PHLDB2: variants seen among roughly 807,000 people sequenced by gnomAD.
The protein encoded by PHLDB2 is pleckstrin homology-like domain family B member 2.
PHLDB2 carries 71 observed loss-of-function variants against 123.6 expected under a neutral mutation model. That is an observed-to-expected ratio of 0.57 (90% CI 0.47 to 0.70). The LOEUF is 0.70. Among genes scored for constraint, PHLDB2 ranks in the 30% least tolerant of loss-of-function variants. The probability of loss-of-function intolerance (pLI) is 0.00; values close to 1 mark genes in which losing one functional copy is unlikely to be tolerated. For synonymous variants in PHLDB2, 547 were observed against 541.6 expected, an observed-to-expected ratio of 1.01 and a Z score of -0.14; for missense variants, 1,446 against 1,519.5, an observed-to-expected ratio of 0.95 and a Z score of 0.80.
At chr3:111,827,575 T>C (rs1483306073) in intron 1 of PHLDB2, among the ~76,000 whole-genome samples, 1 of 150,092 alleles carries the variant, frequency 6.7e-6, no homozygotes, top group African/African-American at 2.5e-5. Context: ...CTCGGGAGGC[T>C]GAGGCGGAGA....
intron 5 of PHLDB2, among the ~76,000 whole-genome samples, chr3:111,922,509 A>G (rs1312575992): frequency 2.0e-5 from 3 of 152,218 alleles, no homozygotes; most frequent in Admixed American, 2.0e-4. Flanking sequence ...GGACCAGCTC[A>G]TACAGCTATG....
intron 1 of PHLDB2, among the ~76,000 whole-genome samples, chr3:111,873,996 T>G (rs934465681): frequency 6.6e-5 from 10 of 152,232 alleles, no homozygotes; most frequent in African/African-American, 2.4e-4. Context: ...AAAACGGTGT[T>G]ATAGAAAATA....
intron 11 of PHLDB2, among the ~76,000 whole-genome samples, chr3:111,953,354 A>G (rs1012105263): frequency 2.6e-5 from 4 of 152,140 alleles, no homozygotes; most frequent in Admixed American, 2.6e-4. Flanking sequence ...TCTGAATGAG[A>G]CAGACTTTTG....
At chr3:111,775,969 G>A (rs932457291) in intron 1 of PHLDB2, among the ~76,000 whole-genome samples, 1 of 152,138 alleles carries the variant, frequency 6.6e-6, no homozygotes, top group African/African-American at 2.4e-5. Flanking sequence ...GAAAGCTTTG[G>A]AACGTATTTA....
At chr3:111,782,804 T>C (rs1169577893) in intron 1 of PHLDB2, among the ~76,000 whole-genome samples, 2 of 152,106 alleles carry the variant, frequency 1.3e-5, no homozygotes, top group Admixed American at 6.6e-5. Context: ...TTAGCACATA[T>C]GAGGTGATAA....
chr3:111,751,170 T>G (rs112707147), intron 1 of PHLDB2, among the ~76,000 whole-genome samples: 2,730 of 77,198 alleles, frequency 0.035, 86 homozygotes, highest in African/African-American at 0.12. Flanking sequence ...GACAATGGGG[T>G]GTGTGTGTGT....
chr3:111,767,065 AC>A (rs532177983), intron 1 of PHLDB2, among the ~76,000 whole-genome samples: 2 of 34,348 alleles, frequency 5.8e-5, no homozygotes, highest in East Asian at 0.036. Context: ...CAGTCCAAAA[AC>A]AGTATTAAAG....
intron 1 of PHLDB2, among the ~76,000 whole-genome samples, chr3:111,787,014 C>T (rs146612679): frequency 6.6e-5 from 10 of 152,140 alleles, no homozygotes; most frequent in African/African-American, 2.4e-4. Flanking sequence ...TTGCATGGGG[C>T]GCAATGCTAG....
intron 1 of PHLDB2, among the ~76,000 whole-genome samples, chr3:111,862,430 T>G (rs2108657127): frequency 6.6e-6 from 1 of 152,096 alleles, no homozygotes; most frequent in African/African-American, 2.4e-5. Context: ...GGGAGAGGGG[T>G]TTTGGCCCCC....
intron 1 of PHLDB2, among the ~76,000 whole-genome samples, chr3:111,881,790 G>A (rs1367225633): frequency 3.1e-5 from 4 of 130,776 alleles, no homozygotes; most frequent in Admixed American, 7.8e-5. Flanking sequence ...TTTTTTTTCA[G>A]TATTTCTAGG....
At chr3:111,881,191 G>T (rs1167408683) in intron 1 of PHLDB2, among the ~76,000 whole-genome samples, 2 of 152,114 alleles carry the variant, frequency 1.3e-5, no homozygotes, top group African/African-American at 4.8e-5. Flanking sequence ...TCTTATAGTG[G>T]TCCTTGTGCT....
intron 5 of PHLDB2, among the ~76,000 whole-genome samples, chr3:111,930,739 A>G (rs2069099036): frequency 6.6e-6 from 1 of 152,222 alleles, no homozygotes; most frequent in Non-Finnish European, 1.5e-5. Flanking sequence ...CAACTCTTGC[A>G]CAATTGGTGT....
chr3:111,969,661 T>G (rs1296198750), intron 15 of PHLDB2, 29 bp from the exon 16 acceptor site: 1 of 1,561,342 alleles, frequency 6.4e-7, no homozygotes, highest in Non-Finnish European at 8.8e-7. Context: ...TAATTAGCTA[T>G]AGATGCAATG....
At chr3:111,780,272 A>G (rs9833377) in intron 1 of PHLDB2, among the ~76,000 whole-genome samples, 6,163 of 9,426 alleles carry the variant, frequency 0.65, 2,261 homozygotes, top group East Asian at 0.96. Flanking sequence ...AGAAGAAGAA[A>G]AGAAGAAGAA....
At position 111,948,978 on chromosome 3, in the gene PHLDB2, C is replaced by G; in HGVS notation, c.2534C>G (p.Thr845Arg). The G allele has an allele frequency of 6.2e-7, 1 of 1,613,958 alleles. No homozygotes were observed. Among genetic ancestry groups the G allele is most frequent in the South Asian group, 1.1e-5 (1 of 91,082 alleles). ...ATTAATGAGCCGTGTGGCAATTCCA[C>G]GAATCTATCCCCTTCCACTCAGTTT... ...NEINEPCGNS[T>R]NLSPSTQFPA... Residue 845 changes from threonine (T) to arginine (R), a missense_variant, in exon 10 of 18, where the codon ACG becomes AGG. Coordinates refer to ENST00000431670, the MANE Select transcript of PHLDB2 (RefSeq NM_001134438.2).
At chr3:111,754,301 T>C (rs1345280635) in intron 1 of PHLDB2, among the ~76,000 whole-genome samples, 3 of 145,868 alleles carry the variant, frequency 2.1e-5, no homozygotes, top group Middle Eastern at 3.5e-3. Context: ...GTTCTTCCAT[T>C]TGTTTGTATC....
At chr3:111,803,229 G>A (rs961012318) in intron 1 of PHLDB2, among the ~76,000 whole-genome samples, 1 of 152,222 alleles carries the variant, frequency 6.6e-6, no homozygotes, top group African/African-American at 2.4e-5. Context: ...AGAGGGAACA[G>A]GCAGCTAGCC....
intron 1 of PHLDB2, among the ~76,000 whole-genome samples, chr3:111,796,270 A>T (rs2061158277): frequency 6.6e-6 from 1 of 152,228 alleles, no homozygotes; most frequent in Non-Finnish European, 1.5e-5. Context: ...TAGTGAAGAC[A>T]AAGTAAATGA....
chr3:111,807,842 AT>A (rs1413015380), intron 1 of PHLDB2, among the ~76,000 whole-genome samples: 2 of 152,162 alleles, frequency 1.3e-5, no homozygotes, highest in East Asian at 3.9e-4. Context: ...AATCTCACAG[AT>A]TTAAGACAGT....
Sources: gnomAD v4.1 joint callset for allele counts (sites outside exome capture counted in the v4.1 genomes callset) on GRCh38, gnomAD v4.1.1 for gene constraint, MANE v1.5 for transcripts, NCBI Gene and HGNC (gene_info 2026-07-23, HGNC 2026-07-21) for gene names.